ANO7: variants seen among roughly 807,000 people sequenced by gnomAD.
The protein encoded by ANO7 is anoctamin 7.
Under a neutral mutation model 115.8 loss-of-function variants are expected in ANO7, and 114 were observed. The observed-to-expected ratio is 0.98, with a 90% CI of 0.85 to 1.15. ANO7 has a LOEUF of 1.15. ANO7 is among the 50% of genes most tolerant of loss of function. ANO7 has a pLI of 0.00. For missense variants in ANO7, 1,302 were observed against 1,201.2 expected (o/e 1.08, Z -1.24); for synonymous variants, 550 against 498.2 (o/e 1.10, Z -1.38).
chr2:241,212,036 C>T (rs2068729564), intron 15 of ANO7, 58 bp from the exon 16 acceptor site: 4 of 1,420,628 alleles, frequency 2.8e-6, no homozygotes. Flanking sequence ...GAGAGGGGGC[C>T]CCTAGTTGGA....
chr2:241,212,298 T>C (rs2068735159), intron 16 of ANO7, 93 bp downstream of exon 16: 1 of 1,291,914 alleles, frequency 7.7e-7, no homozygotes, highest in Non-Finnish European at 1.1e-6. Flanking sequence ...CATCCAGCCG[T>C]GCTCAGGCAG....
At chr2:241,223,864 G>T (rs1362850601) in intron 23 of ANO7, 41 bp from the exon 24 acceptor site, 1 of 1,613,986 alleles carries the variant, frequency 6.2e-7, no homozygotes, top group Admixed American at 1.7e-5. Flanking sequence ...CGGACACTGA[G>T]TCACATCCCT....
the ANO7 span, among the ~76,000 whole-genome samples, chr2:241,234,706 G>C: frequency 2.0e-5 from 3 of 152,156 alleles, no homozygotes; most frequent in Non-Finnish European, 4.4e-5. Flanking sequence ...AGGTTGGGGG[G>C]GTTTCATCCC....
At chr2:241,191,288 G>A (rs1344178755) in intron 3 of ANO7, 37 bp downstream of exon 3, 1 of 1,610,462 alleles carries the variant, frequency 6.2e-7, no homozygotes, top group East Asian at 2.2e-5. Flanking sequence ...CACCCGTGTT[G>A]GTCCTGAGGG....
chr2:241,195,244 G>A (rs1481636204), intron 3 of ANO7, among the ~76,000 whole-genome samples: 3 of 152,138 alleles, frequency 2.0e-5, no homozygotes, highest in Non-Finnish European at 2.9e-5. Flanking sequence ...CACCTCGCAC[G>A]CTCCTCTTAT....
At chr2:241,231,857 A>G in the ANO7 span, among the ~76,000 whole-genome samples, 1 of 152,168 alleles carries the variant, frequency 6.6e-6, no homozygotes, top group Non-Finnish European at 1.5e-5. Flanking sequence ...TGTCCACAAC[A>G]CAAAAACCAC....
At chr2:241,229,390 T>TA (rs990601052), downstream of ANO7, 103 of 512,818 alleles carry the variant, frequency 2.0e-4, no homozygotes, top group Admixed American at 7.9e-4. Flanking sequence ...GGTTTAGTGT[T>TA]AAACAGTGGA....
the ANO7 span, chr2:241,239,841 G>A: frequency 8.1e-6 from 13 of 1,611,938 alleles, no homozygotes; most frequent in South Asian, 1.1e-5. The surrounding 1 kb of genome is among the most constrained non-coding windows in gnomAD (Gnocchi z 4.6). Flanking sequence ...AAGAAGAGAT[G>A]GAAGATAAGC....
the ANO7 span, chr2:241,236,016 CAAGGG>C: frequency 1.1e-4 from 21 of 196,910 alleles, no homozygotes; most frequent in South Asian, 2.1e-3. Context: ...CGAGGTGCCA[CAAGGG>C]ACTCTCAGAC....
chr2:241,224,155 G>A lies in ANO7; in HGVS notation c.*2G>A, dbSNP rs201886767. 1.1e-5 allele frequency: 17 copies of A among 1,612,348 alleles called. No homozygotes were observed. The highest frequency in any genetic ancestry group is 3.3e-5 in the South Asian group (3 of 91,068). ...AAGGCCAGCCAGCTGCAGCAGTGAC[G>A]CCTGGAAGGACATCTGGTGGTCCTT... On this transcript the variant is annotated 3_prime_UTR_variant, in exon 25 of 25. Coordinates refer to ENST00000674324, the MANE Select transcript of ANO7 (RefSeq NM_001370694.2).
chr2:241,194,411 T>C (rs906351952), intron 3 of ANO7, among the ~76,000 whole-genome samples: 5 of 150,612 alleles, frequency 3.3e-5, no homozygotes, highest in Non-Finnish European at 5.9e-5. Flanking sequence ...GTCTCCTGGG[T>C]TCACACCATT....
At chr2:241,216,383 T>C in intron 19 of ANO7, 145 bp downstream of exon 19, 2 of 1,138,282 alleles carry the variant, frequency 1.8e-6, no homozygotes, top group Non-Finnish European at 2.4e-6. Flanking sequence ...GAACAGAGGG[T>C]CGGGCCTGTG....
At chr2:241,236,935 T>C in the ANO7 span, among the ~76,000 whole-genome samples, 18 of 133,784 alleles carry the variant, frequency 1.3e-4, no homozygotes, top group African/African-American at 4.1e-4. Flanking sequence ...GGAGAGCAGA[T>C]AGGACGTCCC....
chr2:241,195,271 C>T (rs536253674), intron 3 of ANO7, among the ~76,000 whole-genome samples: 37 of 152,212 alleles, frequency 2.4e-4, no homozygotes, highest in Non-Finnish European at 5.0e-4. Flanking sequence ...CGCCTGAGCC[C>T]AGCATCCATT....
In ANO7 at chr2:241,209,643, G is replaced by A; in HGVS notation, c.1359+8G>A. On this transcript the variant is annotated splice_region_variant and intron_variant, in intron 13 of 24. Coordinates refer to ENST00000674324, the MANE Select transcript of ANO7 (RefSeq NM_001370694.2). ...GTGGTGATCGTGGTGATGGTATGCG[G>A]TCCCCCTGCCCTCCGCTCACGCCTC... The A allele has an allele frequency of 6.5e-7, 1 of 1,537,156 alleles. No homozygotes were observed. Among genetic ancestry groups the A allele is most frequent in the Non-Finnish European group, 8.7e-7 (1 of 1,144,834 alleles).
chr2:241,229,634 A>C, downstream of ANO7: 1 of 1,614,026 alleles, frequency 6.2e-7, no homozygotes, highest in Non-Finnish European at 8.5e-7. Context: ...GGGTCTTGGG[A>C]GCCACCTGAG....
the ANO7 span, chr2:241,233,847 C>T: frequency 2.5e-6 from 4 of 1,614,208 alleles, no homozygotes; most frequent in South Asian, 1.1e-5. This position sits in a 1 kb window ranked among gnomAD's most constrained non-coding sequence, Gnocchi z 4.3. Context: ...TATCAGGAAA[C>T]TGGATGTTCA....
In ANO7 at chr2:241,203,432, T is replaced by G; in HGVS notation, c.823T>G (p.Tyr275Asp). 2.5e-6 allele frequency: 4 copies of G among 1,593,718 alleles called. No individual in the cohort carries two copies. The highest frequency in any genetic ancestry group is 3.4e-6 in the Non-Finnish European group (4 of 1,171,218). Residue 275 changes from tyrosine to aspartate, a missense_variant, in exon 9 of 25, where the codon TAC becomes GAC. Tyr to Asp is a radical substitution (Grantham distance 160). Transcript: ENST00000674324. The surrounding 1 kb of genome is among the most constrained non-coding windows in gnomAD (Gnocchi z 4.8). ...GGCGCGCTGGGGCAAGTGGAACAAGTACCAGCCCCTGGACCACGTGCGCAG... is the reference window on the plus strand; with the variant it reads ...GGCGCGCTGGGGCAAGTGGAACAAGGACCAGCCCCTGGACCACGTGCGCAG... ...HWARWGKWNKYQPLDHVRRYF... is the reference protein window; with the variant it reads ...HWARWGKWNKDQPLDHVRRYF...
chr2:241,229,588 T>C (rs769609365), downstream of ANO7: 2 of 1,605,116 alleles, frequency 1.2e-6, no homozygotes, highest in Non-Finnish European at 1.7e-6. Flanking sequence ...GAGGGTTCTG[T>C]TCTTTTTGAT....
Sources: gnomAD v4.1 joint callset for allele counts (sites outside exome capture counted in the v4.1 genomes callset) on GRCh38, gnomAD v4.1.1 for gene constraint, Gnocchi (gnomAD v3.1) non-coding constraint, MANE v1.5 for transcripts, NCBI Gene and HGNC (gene_info 2026-07-23, HGNC 2026-07-21) for gene names.